The following REV1 variants were observed in gnomAD, a reference collection of about 807,000 sequenced individuals.
REV1 encodes translesion synthesis protein REV1.
REV1 carries 42 observed loss-of-function variants against 137.4 expected under a neutral mutation model. The ratio of observed to expected loss-of-function variants is 0.31; its 90% CI spans 0.24 to 0.40. REV1 has a LOEUF of 0.40. Ranked by LOEUF, REV1 falls within the 10% of genes least tolerant of loss-of-function variation. REV1 has a pLI of 1.00. For missense variants in REV1, 1,282 were observed against 1,490.1 expected (o/e 0.86, Z 2.30); for synonymous variants, 524 against 519.2 (o/e 1.01, Z -0.12).
At chr2:99,444,562 C>T (rs1341355601) in intron 4 of REV1, among the ~76,000 whole-genome samples, 1 of 152,182 alleles carries the variant, frequency 6.6e-6, no homozygotes, top group Admixed American at 6.5e-5. Context: ...GAGACTGCTA[C>T]AAAATTAGAC....
At chr2:99,436,943 CTG>C (rs1423226281) in intron 6 of REV1, among the ~76,000 whole-genome samples, 1 of 151,582 alleles carries the variant, frequency 6.6e-6, no homozygotes, top group Non-Finnish European at 1.5e-5. Flanking sequence ...ATTTACCAAA[CTG>C]TGACTGTGAT....
At chr2:99,480,662 G>A (rs1340074460) in intron 1 of REV1, among the ~76,000 whole-genome samples, 1 of 152,050 alleles carries the variant, frequency 6.6e-6, no homozygotes, top group Non-Finnish European at 1.5e-5. Context: ...AAATCCCTCA[G>A]AGCAACTGCA....
intron 1 of REV1, among the ~76,000 whole-genome samples, chr2:99,473,509 A>G (rs942572257): frequency 6.6e-6 from 1 of 152,248 alleles, no homozygotes; most frequent in African/African-American, 2.4e-5. Context: ...CCAAGCCAAC[A>G]GTTCACATTC....
At chr2:99,429,614 C>T (rs1298761857) in intron 9 of REV1, among the ~76,000 whole-genome samples, 1 of 151,828 alleles carries the variant, frequency 6.6e-6, no homozygotes, top group East Asian at 1.9e-4. Flanking sequence ...TTGGTTCCTA[C>T]TACATGACCT....
chr2:99,437,664 T>G (rs1680931149), intron 6 of REV1, among the ~76,000 whole-genome samples: 1 of 152,222 alleles, frequency 6.6e-6, no homozygotes, highest in African/African-American at 2.4e-5. Context: ...ACAAAATTTC[T>G]CATTTTATTC....
intron 9 of REV1, chr2:99,424,633 C>T: frequency 1.7e-6 from 1 of 603,984 alleles, no homozygotes; most frequent in Non-Finnish European, 2.5e-6. Context: ...CAGGAATATG[C>T]TGTCAAAAAG....
intron 2 of REV1, among the ~76,000 whole-genome samples, chr2:99,464,258 G>A (rs1025667212): frequency 6.6e-6 from 1 of 152,100 alleles, no homozygotes; most frequent in African/African-American, 2.4e-5. Context: ...TTAAATTAAA[G>A]GTGTAGGTGG....
At chr2:99,462,782 G>C (rs1333457993) in intron 2 of REV1, 160 bp from the exon 3 acceptor site, 3 of 702,780 alleles carry the variant, frequency 4.3e-6, no homozygotes, top group East Asian at 6.3e-5. Context: ...ATAAGGCAAG[G>C]CAATAAATAA....
chr2:99,425,759 G>A (rs913800785), intron 9 of REV1, among the ~76,000 whole-genome samples: 7 of 152,142 alleles, frequency 4.6e-5, no homozygotes, highest in Non-Finnish European at 8.8e-5. Flanking sequence ...TTATAAGGCC[G>A]GGCACAGTGG....
chr2:99,416,946 T>C (rs1441828544), intron 12 of REV1, among the ~76,000 whole-genome samples: 4 of 142,576 alleles, frequency 2.8e-5, no homozygotes, highest in Non-Finnish European at 4.6e-5. Context: ...AATAAAGTCT[T>C]TCCAGCCAGG....
intron 14 of REV1, among the ~76,000 whole-genome samples, chr2:99,409,462 T>G (rs1388933733): frequency 2.6e-5 from 4 of 152,210 alleles, no homozygotes; most frequent in African/African-American, 9.6e-5. Flanking sequence ...CAGTGCAATA[T>G]AAAATGACAT....
intron 1 of REV1, among the ~76,000 whole-genome samples, chr2:99,484,395 T>A (rs1157540540): frequency 2.0e-5 from 3 of 151,996 alleles, no homozygotes; most frequent in Admixed American, 2.0e-4. Flanking sequence ...AAAAAAAAAA[T>A]TGCCCCATAG....
intron 3 of REV1, among the ~76,000 whole-genome samples, chr2:99,453,355 C>CA (rs202156661): frequency 0.25 from 31,290 of 126,718 alleles, 3,751 homozygotes; most frequent in African/African-American, 0.36. Context: ...AAGACTGTCT[C>CA]AAAAAAAAAA....
chr2:99,438,628 T>C lies in REV1; in HGVS notation c.1186A>G (p.Arg396Gly), dbSNP rs370410916. Reference sequence around the variant, plus strand: ...GTGTCAGTTACAACAAGTGCAGACCTGCCTGTTTTCATTTTTTTTAACTTT... The same window carrying C: ...GTGTCAGTTACAACAAGTGCAGACCCGCCTGTTTTCATTTTTTTTAACTTT... ...REKLKKMKTG[R>G]SALVVTDTGD... The change falls in exon 6 of 23, where the codon AGG (arginine) becomes GGG (glycine). Residue 396 changes from arginine to glycine, a missense_variant. Around this residue, in one of 7 missense-constraint regions of REV1, gnomAD observed 432 missense variants for 438.0 expected, o/e 0.99. Coordinates refer to ENST00000258428, the MANE Select transcript of REV1 (RefSeq NM_016316.4). The C allele has an allele frequency of 2.8e-5, 45 of 1,613,460 alleles. No homozygotes were observed. Among genetic ancestry groups the C allele is most frequent in the Non-Finnish European group, 3.8e-5 (45 of 1,179,870 alleles).
intron 12 of REV1, among the ~76,000 whole-genome samples, chr2:99,416,912 C>CAAGAAAA (rs1677947137): frequency 1.3e-5 from 1 of 77,846 alleles, no homozygotes; most frequent in Admixed American, 1.3e-4. Flanking sequence ...GACTCCATCT[C>CAAGAAAA]AAAAAAAAAA....
chr2:99,428,934 G>A (rs1205844125), intron 9 of REV1, among the ~76,000 whole-genome samples: 1 of 150,038 alleles, frequency 6.7e-6, no homozygotes, highest in Non-Finnish European at 1.5e-5. Context: ...GGAGCTTGCA[G>A]TGAGCCAAGA....
At position 99,449,373 on chromosome 2, in the gene REV1, C is replaced by A; in HGVS notation, c.313G>T (p.Gly105Trp). The A allele has an allele frequency of 6.4e-7, 1 of 1,559,468 alleles. No homozygotes were observed. The highest frequency in any genetic ancestry group is 8.7e-7 in the Non-Finnish European group (1 of 1,155,930). ...CATTCTGGTCGAATTACTTTTTCCCCCTTTAATTCTTTAATTTTGGCATTG... is the reference window on the plus strand; with the variant it reads ...CATTCTGGTCGAATTACTTTTTCCCACTTTAATTCTTTAATTTTGGCATTG... ...LPNAKIKELK[G>W]EKVIRPEWIV... Residue 105 changes from glycine (G) to tryptophan (W), a missense_variant, in exon 4 of 23, where the codon GGG (glycine) becomes TGG (tryptophan). Physicochemically the swap from Gly to Trp is radical, Grantham distance 184. This residue lies in a region of REV1 where 107 missense variants were observed against 164.3 expected (regional missense o/e 0.65). Coordinates refer to ENST00000258428, the MANE Select transcript of REV1 (RefSeq NM_016316.4).
intron 3 of REV1, among the ~76,000 whole-genome samples, chr2:99,450,649 T>C (rs1032832323): frequency 1.3e-5 from 2 of 152,238 alleles, no homozygotes; most frequent in Non-Finnish European, 2.9e-5. Flanking sequence ...GAAAATATTA[T>C]GCAAGCCACA....
intron 10 of REV1, 73 bp downstream of exon 10, chr2:99,424,079 A>G: frequency 6.8e-7 from 1 of 1,471,698 alleles, no homozygotes; most frequent in African/African-American, 1.4e-5. Context: ...TCCTAAAGAA[A>G]ACTTGAACTG....
Sources: allele counts gnomAD v4.1 joint callset (sites outside exome capture counted in the v4.1 genomes callset), GRCh38; gene constraint gnomAD v4.1.1; regional missense constraint gnomAD v4.1.1; transcripts MANE v1.5; gene names NCBI Gene and HGNC (gene_info 2026-07-23, HGNC 2026-07-21).